Variants in MAX observed in about 807,000 individuals in gnomAD.
MAX encodes the protein MYC associated transcriptional regulator X.
MAX carries 3 observed loss-of-function variants against 22.3 expected under a neutral mutation model. That is an observed-to-expected ratio of 0.13 (90% CI 0.06 to 0.35). The LOEUF is 0.35. Ranked by LOEUF, MAX falls within the 10% of genes least tolerant of loss-of-function variation. MAX has a pLI of 1.00. For synonymous variants in MAX, 72 were observed against 77.7 expected (o/e 0.93, Z 0.39); for missense variants, 119 against 209.4 (o/e 0.57, Z 2.66).
chr14:65,053,837 GCA>G (rs2062668997), intron 3 of MAX, among the ~76,000 whole-genome samples: 1 of 152,094 alleles, frequency 6.6e-6, no homozygotes, highest in African/African-American at 2.4e-5. Context: ...CCCCATCCCA[GCA>G]CACGTCCTGC....
At chr14:65,059,917 TCCG>T (rs2062823648) in intron 3 of MAX, among the ~76,000 whole-genome samples, 1 of 147,072 alleles carries the variant, frequency 6.8e-6, no homozygotes, top group Non-Finnish European at 1.5e-5. Context: ...CACTGCAACC[TCCG>T]CCTCCCGGGT....
chr14:65,041,084 C>G (rs1419421105), intron 3 of MAX, among the ~76,000 whole-genome samples: 6 of 152,272 alleles, frequency 3.9e-5, no homozygotes, highest in Admixed American at 6.5e-5. Context: ...CTTGGCTCCC[C>G]CTTCTGCCTT....
chr14:65,044,374 G>A lies in MAX; in HGVS notation c.172-38090C>T. On this transcript the variant is annotated intron_variant, in intron 3 of 3. Transcript: ENST00000341653. This position sits in a 1 kb window ranked among gnomAD's most constrained non-coding sequence, Gnocchi z 5.5. ...ATTTCAGGGCCGCTGCAACAAGCTGGTGGATGGCTGCTACTCCTTCTGGCA... is the reference window on the plus strand; with the variant it reads ...ATTTCAGGGCCGCTGCAACAAGCTGATGGATGGCTGCTACTCCTTCTGGCA... The A allele has an allele frequency of 6.2e-7, 1 of 1,613,450 alleles. No individual in the cohort carries two copies. The highest frequency in any genetic ancestry group is 8.5e-7 in the Non-Finnish European group (1 of 1,179,794).
At chr14:65,061,326 C>T (rs370912945) in intron 3 of MAX, 94 of 1,613,074 alleles carry the variant, frequency 5.8e-5, no homozygotes, top group African/African-American at 2.3e-4. Flanking sequence ...ACCTGGGTCC[C>T]GGCAGCTCTT....
chr14:65,102,527 G>A, upstream of MAX: 1 of 1,452,210 alleles, frequency 6.9e-7, no homozygotes, highest in Non-Finnish European at 9.1e-7. Context: ...TGCAGCACCG[G>A]ATCAACGGCG....
At chr14:65,013,138 A>G (rs937943424) in intron 3 of MAX, among the ~76,000 whole-genome samples, 3 of 152,088 alleles carry the variant, frequency 2.0e-5, no homozygotes, top group Non-Finnish European at 4.4e-5. Flanking sequence ...TGGGTTCCAC[A>G]TTTGATTATT....
chr14:65,085,575 T>C lies in MAX; in HGVS notation c.172-7539A>G, dbSNP rs142896962. ...ATTAGATTTCTGCCCTACAGGAGCA[T>C]ACCATTTAATTAGGTGATAAGTTAA... On this transcript the variant is annotated intron_variant, in intron 3 of 4. Coordinates refer to ENST00000358664, the MANE Select transcript of MAX (RefSeq NM_002382.5). Among the ~76,000 whole-genome samples the C allele has an allele frequency of 5.3e-3, 801 of 152,246 alleles. 7 individuals are homozygous for C. Among genetic ancestry groups the C allele is most frequent in the African/African-American group, 0.018 (732 of 41,546 alleles).
chr14:65,019,080 GGAGAC>G (rs2061836978), intron 3 of MAX, among the ~76,000 whole-genome samples: 8 of 152,220 alleles, frequency 5.3e-5, no homozygotes, highest in Admixed American at 4.6e-4. Flanking sequence ...GGCTGAGGCA[GGAGAC>G]TCGCTTGAAC....
At chr14:65,041,911 TA>T (rs1464780142) in intron 3 of MAX, among the ~76,000 whole-genome samples, 1 of 152,222 alleles carries the variant, frequency 6.6e-6, no homozygotes, top group East Asian at 1.9e-4. Flanking sequence ...GCCTCAGTTA[TA>T]AAGACAGTGT....
chr14:65,073,903 T>C (rs556184361), downstream of MAX, among the ~76,000 whole-genome samples: 1 of 152,328 alleles, frequency 6.6e-6, no homozygotes, highest in African/African-American at 2.4e-5. Flanking sequence ...CTAGCCACTG[T>C]GCCCCTTGTC....
rs1007614175 is a variant in MAX, at chr14:65,079,588, T to C, written c.172-1552A>G. Among the ~76,000 whole-genome samples the C allele has an allele frequency of 6.6e-6, 1 of 152,154 alleles. No homozygotes were observed. Among genetic ancestry groups the C allele is most frequent in the Non-Finnish European group, 1.5e-5 (1 of 68,032 alleles). On this transcript the variant is annotated intron_variant, in intron 3 of 4. Transcript: ENST00000358664. This position sits in a 1 kb window ranked among gnomAD's most constrained non-coding sequence, Gnocchi z 4.5. ...TAAGTATGGCCTTCCAGCCAGAGAC[T>C]CCTGAGCAGCCGGAAAGCTTCTTAC...
In MAX at chr14:65,023,969, G is replaced by T. The variant is rs1041444083; in HGVS notation, c.172-17685C>A. Among the ~76,000 whole-genome samples the T allele has an allele frequency of 6.6e-6, 1 of 152,102 alleles. No homozygotes were observed. Among genetic ancestry groups the T allele is most frequent in the Non-Finnish European group, 1.5e-5 (1 of 68,020 alleles). On this transcript the variant is annotated intron_variant, in intron 3 of 3. Coordinates refer to the MAX transcript ENST00000341653. The surrounding 1 kb of genome is among the most constrained non-coding windows in gnomAD (Gnocchi z 4.1). ...ATACAAAAATTAGCTGGGCGTGGCGGCATGCACCTGTAGTCCCAGCTACTC... is the reference window on the plus strand; with the variant it reads ...ATACAAAAATTAGCTGGGCGTGGCGTCATGCACCTGTAGTCCCAGCTACTC...
intron 3 of MAX, among the ~76,000 whole-genome samples, chr14:65,063,904 T>G (rs1566588081): frequency 6.6e-6 from 1 of 152,196 alleles, no homozygotes; most frequent in Non-Finnish European, 1.5e-5. Flanking sequence ...AAGACATTTA[T>G]GTAGCATTCA....
At chr14:65,053,410 C>T (rs1390197366) in intron 3 of MAX, 1 of 1,281,198 alleles carries the variant, frequency 7.8e-7, no homozygotes, top group East Asian at 2.9e-5. Flanking sequence ...GGGGCGTGCA[C>T]CTCAGGCCTA....
chr14:65,009,019 C>T lies in MAX; in HGVS notation c.172-2735G>A, dbSNP rs1054688086. On this transcript the variant is annotated intron_variant, in intron 3 of 3. Coordinates refer to the MAX transcript ENST00000341653. The surrounding 1 kb of genome is among the most constrained non-coding windows in gnomAD (Gnocchi z 4.2). ...CACCCCCTCAAGTCCTGCACGAAAC[C>T]TGTCTTATTCTGCTCCATGTAATTG... 3.9e-5 allele frequency among the ~76,000 whole-genome samples: 6 copies of T among 152,202 alleles called. No individual in the cohort carries two copies. The highest frequency in any genetic ancestry group is 3.3e-4 in the Admixed American group (5 of 15,294).
At chr14:65,019,627 A>G (rs1298158328) in intron 3 of MAX, among the ~76,000 whole-genome samples, 1 of 152,250 alleles carries the variant, frequency 6.6e-6, no homozygotes, top group Non-Finnish European at 1.5e-5. Context: ...AAACCACTTG[A>G]CAGTTAATGA....
rs960621082 is a variant in MAX, at chr14:65,093,343, A to T, written c.171+365T>A. Among the ~76,000 whole-genome samples, 16 of 152,182 alleles carry T rather than the reference A, an allele frequency of 1.1e-4. No individual in the cohort carries two copies. The highest frequency in any genetic ancestry group is 2.9e-5 in the Non-Finnish European group (2 of 68,026). ...TTTGAACCATAGGAAAGGAATTCTC[A>T]TGGAGGTCTAGGGTATTAATGACCT... On this transcript the variant is annotated intron_variant, in intron 3 of 4. Coordinates refer to ENST00000358664, the MANE Select transcript of MAX (RefSeq NM_002382.5). The surrounding 1 kb of genome is among the most constrained non-coding windows in gnomAD (Gnocchi z 4.4).
At position 65,028,634 on chromosome 14, in the gene MAX, C is replaced by T. The variant is rs1467713997; in HGVS notation, c.172-22350G>A. On this transcript the variant is annotated intron_variant, in intron 3 of 3. Coordinates refer to the MAX transcript ENST00000341653. The surrounding 1 kb of genome is among the most constrained non-coding windows in gnomAD (Gnocchi z 4.4). Reference sequence around the variant, plus strand: ...CACGAACATTGTGGAGCATAAAATACATTACAGATAATAGGTAATCAGGCT... The same window carrying T: ...CACGAACATTGTGGAGCATAAAATATATTACAGATAATAGGTAATCAGGCT... 6.6e-6 allele frequency among the ~76,000 whole-genome samples: 1 copy of T among 152,178 alleles called. No individual in the cohort carries two copies. The highest frequency in any genetic ancestry group is 1.9e-4 in the East Asian group (1 of 5,194).
intron 3 of MAX, among the ~76,000 whole-genome samples, chr14:65,048,127 G>A (rs149270720): frequency 8.6e-5 from 13 of 151,476 alleles, no homozygotes; most frequent in African/African-American, 1.9e-4. Context: ...GATTACAGGC[G>A]TGTACCACCA....
Sources: gnomAD v4.1 joint callset for allele counts (sites outside exome capture counted in the v4.1 genomes callset) on GRCh38, gnomAD v4.1.1 for gene constraint, Gnocchi (gnomAD v3.1) non-coding constraint, MANE v1.5 for transcripts, NCBI Gene and HGNC (gene_info 2026-07-23, HGNC 2026-07-21) for gene names.